The following TBC1D9 variants were observed in gnomAD, a reference collection of about 807,000 sequenced individuals.
The protein encoded by TBC1D9 is TBC1 domain family member 9A.
In TBC1D9, 63 loss-of-function variants were observed where a neutral mutation model predicts 132.0. The ratio of observed to expected loss-of-function variants is 0.48; its 90% CI spans 0.39 to 0.59. TBC1D9 has a LOEUF of 0.59. Among genes scored for constraint, TBC1D9 ranks in the 20% least tolerant of loss-of-function variants. The probability of loss-of-function intolerance (pLI) is 0.00; values close to 1 mark genes in which losing one functional copy is unlikely to be tolerated. For synonymous variants in TBC1D9, 610 were observed against 609.9 expected, an observed-to-expected ratio of 1.00 and a Z score of 0.00; for missense variants, 1,261 against 1,592.7, an observed-to-expected ratio of 0.79 and a Z score of 3.54.
intron 15 of TBC1D9, among the ~76,000 whole-genome samples, chr4:140,634,750 C>T (rs1413323608): frequency 1.3e-5 from 2 of 152,138 alleles, no homozygotes; most frequent in Admixed American, 6.5e-5. Flanking sequence ...TCCCTGCTCA[C>T]CAAAATCACA....
intron 1 of TBC1D9, among the ~76,000 whole-genome samples, chr4:140,745,064 C>G (rs1356946614): frequency 6.6e-6 from 1 of 152,054 alleles, no homozygotes. Context: ...CACCTGTTAC[C>G]TGGAAGCCCC....
rs143901013 is a variant in TBC1D9 at position 140,728,701 on chromosome 4, C to T, written c.131-27087G>A. 4.2e-3 allele frequency among the ~76,000 whole-genome samples: 642 copies of T among 152,084 alleles called. 5 individuals are homozygous for T. The highest frequency in any genetic ancestry group is 0.014 in the African/African-American group (588 of 41,480). ...TTTTTGAGAAGGAGACTGGCTCTGT[C>T]GCCCAGGCTGGAGTGCAGTGGCTCG... On this transcript the variant is annotated intron_variant, in intron 1 of 20. Coordinates refer to ENST00000442267, the MANE Select transcript of TBC1D9 (RefSeq NM_015130.3).
At chr4:140,639,476 A>G in intron 13 of TBC1D9, 48 bp from the exon 14 acceptor site, 1 of 1,330,728 alleles carries the variant, frequency 7.5e-7, no homozygotes, top group Non-Finnish European at 1.1e-6. Flanking sequence ...CTTACAGCAC[A>G]CAATGTCCTG....
chr4:140,629,479 C>T (rs1034651408), intron 16 of TBC1D9, among the ~76,000 whole-genome samples: 1 of 152,180 alleles, frequency 6.6e-6, no homozygotes, highest in African/African-American at 2.4e-5. Flanking sequence ...TCAACTCTTC[C>T]ACACAACAAT....
chr4:140,714,793 A>T (rs1418014051), intron 1 of TBC1D9, among the ~76,000 whole-genome samples: 2 of 152,168 alleles, frequency 1.3e-5, no homozygotes, highest in African/African-American at 2.4e-5. Flanking sequence ...GTGATGCTAT[A>T]CTAGAGTCAG....
At chr4:140,695,679 T>C (rs1737944261) in intron 2 of TBC1D9, among the ~76,000 whole-genome samples, 1 of 152,204 alleles carries the variant, frequency 6.6e-6, no homozygotes, top group African/African-American at 2.4e-5. Flanking sequence ...TAGAACCTTC[T>C]AGTCCTTATA....
At chr4:140,728,218 C>A (rs1256445936) in intron 1 of TBC1D9, among the ~76,000 whole-genome samples, 2 of 152,128 alleles carry the variant, frequency 1.3e-5, no homozygotes, top group Non-Finnish European at 2.9e-5. Context: ...CACTGTTCCA[C>A]CAAATGCAAT....
intron 3 of TBC1D9, among the ~76,000 whole-genome samples, chr4:140,684,955 G>A (rs1242936386): frequency 1.3e-5 from 2 of 151,904 alleles, no homozygotes; most frequent in African/African-American, 4.8e-5. Context: ...ACAAACAACT[G>A]GAAAATACAG....
At position 140,633,984 on chromosome 4, in the gene TBC1D9, A is replaced by C; in HGVS notation, c.2710T>G (p.Ser904Ala). 1 of 1,613,992 alleles carries C rather than the reference A, an allele frequency of 6.2e-7. No homozygotes were observed. The highest frequency in any genetic ancestry group is 8.5e-7 in the Non-Finnish European group (1 of 1,179,902). The change falls in exon 16 of 21, where the codon TCT (serine) becomes GCT (alanine). Residue 904 changes from serine (S) to alanine (A), a missense_variant. Transcript: ENST00000442267. ...ACAAACTCCCGGAAGTTAATCAAAG[A>C]GTCTCCATTTTCATCTAATAACTGG... ...LFQLLDENGD[S>A]LINFREFVSG...
intron 1 of TBC1D9, among the ~76,000 whole-genome samples, chr4:140,738,135 A>G (rs184098492): frequency 6.6e-6 from 1 of 152,244 alleles, no homozygotes; most frequent in African/African-American, 2.4e-5. Flanking sequence ...TCAACATGGT[A>G]TGTCAAACTT....
In TBC1D9 at chr4:140,755,152, AGTATG is replaced by A. The variant is rs540319553; in HGVS notation, c.130+759_130+763del. ...GAGATGGAGAAGGTCCAATTTCTCT[AGTATG>A]GTATGAGTTCGAGATTATTTCTAAT... is the stretch of plus-strand genomic sequence containing the variant. On this transcript the variant is annotated intron_variant, in intron 1 of 20. Coordinates refer to ENST00000442267, the MANE Select transcript of TBC1D9 (RefSeq NM_015130.3). 4.1e-4 allele frequency among the ~76,000 whole-genome samples: 63 copies of A among 152,306 alleles called. No homozygotes were observed. In the South Asian group the frequency reaches 0.013, roughly 31 times the overall value.
At chr4:140,708,585 A>G (rs1738182039) in intron 1 of TBC1D9, among the ~76,000 whole-genome samples, 1 of 152,226 alleles carries the variant, frequency 6.6e-6, no homozygotes, top group African/African-American at 2.4e-5. Context: ...CCAGGGGACC[A>G]AGGGAGGGAT....
chr4:140,744,413 C>G (rs374255751), intron 1 of TBC1D9, among the ~76,000 whole-genome samples: 1 of 152,136 alleles, frequency 6.6e-6, no homozygotes, highest in African/African-American at 2.4e-5. Flanking sequence ...CTTCATTATA[C>G]CCTTCTCCCT....
intron 1 of TBC1D9, among the ~76,000 whole-genome samples, chr4:140,754,267 G>A (rs1415302054): frequency 1.3e-5 from 2 of 152,130 alleles, no homozygotes; most frequent in Non-Finnish European, 2.9e-5. Context: ...AGAAGGAAAT[G>A]TTCTCTTTTT....
In TBC1D9 at chr4:140,679,790, C is replaced by T. The variant is rs184347143; in HGVS notation, c.414G>A (p.Thr138=). 1.4e-5 allele frequency: 23 copies of T among 1,613,706 alleles called. No homozygotes were observed. Among genetic ancestry groups the T allele is most frequent in the East Asian group, 1.1e-4 (5 of 44,866 alleles). Residue 138 remains threonine (T), a synonymous_variant, in exon 4 of 21, where the codon ACG becomes ACA. Coordinates refer to ENST00000442267, the MANE Select transcript of TBC1D9 (RefSeq NM_015130.3). ...KINDVKEDDD[T]EKFKEAIVKF... ...TCACAATGGCTTCTTTAAACTTCTC[C>T]GTGTCATCATCTTCCTTTACATCAT...
chr4:140,621,954 C>T lies in TBC1D9; in HGVS notation c.*241G>A. On this transcript the variant is annotated 3_prime_UTR_variant, in exon 21 of 21. Transcript: ENST00000442267. ...ATTCATCTTTTTGTTTTTTAGAATTCACGAAATAAACTGTATTCTGGTAAA... is the reference window on the plus strand; with the variant it reads ...ATTCATCTTTTTGTTTTTTAGAATTTACGAAATAAACTGTATTCTGGTAAA... The T allele has an allele frequency of 2.2e-6, 1 of 446,692 alleles. No individual in the cohort carries two copies. The highest frequency in any genetic ancestry group is 7.2e-5 in the South Asian group (1 of 13,894). The allele number at this position is 446,692 out of a possible 1,614,324, so 27.7% of individuals were successfully genotyped here.
chr4:140,706,874 A>G lies in TBC1D9; in HGVS notation c.131-5260T>C, dbSNP rs1738158444. 6.6e-6 allele frequency among the ~76,000 whole-genome samples: 1 copy of G among 152,228 alleles called. No individual in the cohort carries two copies. The highest frequency in any genetic ancestry group is 1.5e-5 in the Non-Finnish European group (1 of 68,036). On this transcript the variant is annotated intron_variant, in intron 1 of 20. Transcript: ENST00000442267. The surrounding 1 kb of genome is among the most constrained non-coding windows in gnomAD (Gnocchi z 4.0). ...CAATATTCCACTATATAAGTATATTACAACTTATCTGTTTTCCTAGTAAAG... is the reference window on the plus strand; with the variant it reads ...CAATATTCCACTATATAAGTATATTGCAACTTATCTGTTTTCCTAGTAAAG...
At chr4:140,711,280 GAAAACCT>G (rs889790228) in intron 1 of TBC1D9, among the ~76,000 whole-genome samples, 1 of 152,136 alleles carries the variant, frequency 6.6e-6, no homozygotes, top group Non-Finnish European at 1.5e-5. Flanking sequence ...AGGCGGGTCT[GAAAACCT>G]AAAACTCAAA....
chr4:140,680,124 CA>C (rs1737682266), intron 3 of TBC1D9, among the ~76,000 whole-genome samples: 1 of 152,064 alleles, frequency 6.6e-6, no homozygotes, highest in African/African-American at 2.4e-5. Context: ...TGAAGAGATA[CA>C]AAGATTTTGC....
Sources: allele counts gnomAD v4.1 joint callset (sites outside exome capture counted in the v4.1 genomes callset), GRCh38; gene constraint gnomAD v4.1.1; non-coding constraint Gnocchi (gnomAD v3.1); transcripts MANE v1.5; gene names NCBI Gene and HGNC (gene_info 2026-07-23, HGNC 2026-07-21).